BACH2: variants seen among roughly 807,000 people sequenced by gnomAD.
BACH2 encodes BACH transcriptional regulator 2, also known as transcription regulator protein BACH2.
Under a neutral mutation model 61.8 loss-of-function variants are expected in BACH2, and 5 were observed. The ratio of observed to expected loss-of-function variants is 0.08; its 90% CI spans 0.04 to 0.17. BACH2 has a LOEUF of 0.17. Ranked by LOEUF, BACH2 falls within the 10% of genes least tolerant of loss-of-function variation. The pLI is 1.00. For missense variants in BACH2, 824 were observed against 1,091.1 expected (o/e 0.76, Z 3.45); for synonymous variants, 446 against 440.1 (o/e 1.01, Z -0.17).
At chr6:90,269,766 A>T (rs1771461701) in intron 2 of BACH2, among the ~76,000 whole-genome samples, 1 of 152,250 alleles carries the variant, frequency 6.6e-6, no homozygotes, top group Admixed American at 6.5e-5. Context: ...CAGTGTGTTC[A>T]TAAGATGCTT....
chr6:90,024,216 T>TC (rs1384000106), intron 5 of BACH2, among the ~76,000 whole-genome samples: 1 of 152,124 alleles, frequency 6.6e-6, no homozygotes, highest in Non-Finnish European at 1.5e-5. Flanking sequence ...ATTGAGCACC[T>TC]CCTTTAGGTT....
intron 5 of BACH2, among the ~76,000 whole-genome samples, chr6:90,028,408 T>C (rs1038738560): frequency 2.0e-5 from 3 of 152,262 alleles, no homozygotes; most frequent in African/African-American, 7.2e-5. Flanking sequence ...GTGCTTTGGA[T>C]ACTCTATCCT....
At chr6:89,954,472 C>G (rs1348059546) in intron 6 of BACH2, among the ~76,000 whole-genome samples, 1 of 110,464 alleles carries the variant, frequency 9.1e-6, no homozygotes, top group Admixed American at 1.1e-4. Flanking sequence ...ACAACAGTCC[C>G]CAGAGTGTTC....
intron 2 of BACH2, among the ~76,000 whole-genome samples, chr6:90,258,955 TG>T (rs1196944359): frequency 1.3e-5 from 2 of 152,214 alleles, no homozygotes; most frequent in Admixed American, 6.5e-5. Context: ...ACAGTTTTTT[TG>T]TGTGGAATCT....
chr6:89,954,616 C>T (rs1303185890), intron 6 of BACH2, among the ~76,000 whole-genome samples: 3 of 151,614 alleles, frequency 2.0e-5, no homozygotes, highest in Admixed American at 2.0e-4. Context: ...CAGGGACATC[C>T]ATGGGGATCT....
intron 5 of BACH2, among the ~76,000 whole-genome samples, chr6:90,011,932 A>ATATGTGTG (rs764546078): frequency 1.4e-4 from 16 of 114,300 alleles, no homozygotes; most frequent in African/African-American, 4.8e-4. Flanking sequence ...AAAAAAAAAT[A>ATATGTGTG]TGTGTGTGTG....
intron 4 of BACH2, among the ~76,000 whole-genome samples, chr6:90,189,750 C>T (rs1768500715): frequency 1.3e-5 from 2 of 151,256 alleles, no homozygotes; most frequent in African/African-American, 4.9e-5. Context: ...TTTATTCTTT[C>T]ATCTGTTTAT....
At chr6:90,036,806 C>T (rs1779285076) in intron 5 of BACH2, among the ~76,000 whole-genome samples, 1 of 151,992 alleles carries the variant, frequency 6.6e-6, no homozygotes, top group Non-Finnish European at 1.5e-5. Context: ...CCCATGTAAA[C>T]CAAATCTTAT....
chr6:89,965,134 G>T (rs982507786), intron 6 of BACH2, among the ~76,000 whole-genome samples: 1 of 152,142 alleles, frequency 6.6e-6, no homozygotes, highest in Admixed American at 6.5e-5. Context: ...TAATCCACCC[G>T]CCTGGGCCTT....
At chr6:90,053,277 G>A (rs904741974) in intron 5 of BACH2, among the ~76,000 whole-genome samples, 15 of 151,752 alleles carry the variant, frequency 9.9e-5, no homozygotes, top group Admixed American at 5.2e-4. Context: ...TGAAGTATAC[G>A]CTTTTTTTTT....
At chr6:89,995,570 A>G (rs578212777) in intron 6 of BACH2, among the ~76,000 whole-genome samples, 1 of 152,322 alleles carries the variant, frequency 6.6e-6, no homozygotes, top group East Asian at 1.9e-4. Flanking sequence ...TGACAAGAAA[A>G]GAGTGTGTGT....
intron 1 of BACH2, among the ~76,000 whole-genome samples, chr6:90,290,915 G>C (rs977700332): frequency 6.6e-6 from 1 of 152,172 alleles, no homozygotes; most frequent in Non-Finnish European, 1.5e-5. Flanking sequence ...AGAATAATGA[G>C]ATGAATGGGA....
At chr6:89,993,369 T>G (rs1027017054) in intron 6 of BACH2, among the ~76,000 whole-genome samples, 1 of 152,074 alleles carries the variant, frequency 6.6e-6, no homozygotes, top group Non-Finnish European at 1.5e-5. Flanking sequence ...TAAAAGGTAA[T>G]TTAGGGAGCA....
intron 6 of BACH2, among the ~76,000 whole-genome samples, chr6:89,953,406 A>G (rs1023997725): frequency 6.6e-6 from 1 of 152,192 alleles, no homozygotes; most frequent in Non-Finnish European, 1.5e-5. Context: ...TAATCTTTTT[A>G]AAGTACTCAA....
chr6:89,986,915 C>T lies in BACH2; in HGVS notation c.243+21687G>A, dbSNP rs138441599. ...TCTTTAGGTCACTCTTTGAATGATA[C>T]GAAAAAATGAGGTCTGGAGACAGTA... On this transcript the variant is annotated intron_variant, in intron 6 of 8. Coordinates refer to ENST00000257749, the MANE Select transcript of BACH2 (RefSeq NM_021813.4). Among the ~76,000 whole-genome samples the T allele has an allele frequency of 5.5e-3, 843 of 152,142 alleles. 11 individuals carry two copies. Among genetic ancestry groups the T allele is most frequent in the African/African-American group, 0.018 (747 of 41,518 alleles).
At chr6:90,227,051 C>G (rs1002534483) in intron 3 of BACH2, among the ~76,000 whole-genome samples, 2 of 152,166 alleles carry the variant, frequency 1.3e-5, no homozygotes, top group African/African-American at 4.8e-5. Flanking sequence ...TTGAATCTAT[C>G]TGAAGATGAA....
chr6:90,029,464 A>T (rs1177551923), intron 5 of BACH2, among the ~76,000 whole-genome samples: 1 of 152,048 alleles, frequency 6.6e-6, no homozygotes, highest in Non-Finnish European at 1.5e-5. Flanking sequence ...TTTAAACCAC[A>T]ACCCCAGCCT....
At position 90,288,413 on chromosome 6, in the gene BACH2, G is replaced by C. The variant is rs73507260; in HGVS notation, c.-446+8067C>G. 5.4e-3 allele frequency among the ~76,000 whole-genome samples: 824 copies of C among 152,160 alleles called. 9 individuals carry two copies. The highest frequency in any genetic ancestry group is 0.019 in the African/African-American group (781 of 41,504). ...AACTAAATGCTGAAAAATAAGCACA[G>C]TACTATACATTCATACACTTGATCA... On this transcript the variant is annotated intron_variant, in intron 1 of 8. Transcript: ENST00000257749.
At chr6:90,035,561 G>T (rs896659089) in intron 5 of BACH2, among the ~76,000 whole-genome samples, 1 of 151,980 alleles carries the variant, frequency 6.6e-6, no homozygotes, top group African/African-American at 2.4e-5. Context: ...AAAATTCACC[G>T]GGACTAAAAT....
Sources: gnomAD v4.1 joint callset for allele counts (sites outside exome capture counted in the v4.1 genomes callset) on GRCh38, gnomAD v4.1.1 for gene constraint, MANE v1.5 for transcripts, NCBI Gene and HGNC (gene_info 2026-07-23, HGNC 2026-07-21) for gene names.